The following PCYT2 variants were observed in gnomAD, a reference collection of about 807,000 sequenced individuals.
PCYT2 encodes the protein phosphate cytidylyltransferase 2, ethanolamine.
Under a neutral mutation model 50.0 loss-of-function variants are expected in PCYT2, and 33 were observed. The ratio of observed to expected loss-of-function variants is 0.66; its 90% CI spans 0.50 to 0.88. The LOEUF (loss-of-function observed/expected upper bound fraction) is 0.88, where lower values mean the gene tolerates loss of function less well. PCYT2 is among the 40% of genes least tolerant of loss of function. PCYT2 has a pLI of 0.00. For missense variants in PCYT2, 430 were observed against 519.7 expected (o/e 0.83, Z 1.68); for synonymous variants, 240 against 203.7 (o/e 1.18, Z -1.52).
rs530029152 is a variant in PCYT2 at position 81,908,646 on chromosome 17, C to A, written c.341-12G>T. 1 of 1,608,696 alleles carries A rather than the reference C, an allele frequency of 6.2e-7. No homozygotes were observed. The highest frequency in any genetic ancestry group is 1.1e-5 in the South Asian group (1 of 90,962). On this transcript the variant is annotated splice_polypyrimidine_tract_variant and intron_variant, in intron 3 of 12. Transcript: ENST00000538936. ...CAGGGTGATGTCATCTAAGCAGTGA[C>A]ACACAAGGACAAGGATCCTTAACCC...
Position 81,909,348 on chromosome 17 carries a change from A to G in PCYT2, c.178+166T>C, listed in dbSNP as rs1351909763. 2.4e-5 allele frequency: 34 copies of G among 1,429,160 alleles called. No homozygotes were observed. The South Asian group carries it at 4.7e-4, about 20-fold the overall frequency. The allele number at this position is 1,429,160 out of a possible 1,614,324, so 88.5% of individuals were successfully genotyped here. ...TGGGACAGGAAATGCAAGATGGGAAAGGCATTAGGCCATCCTCAGCTGGGG... is the reference window on the plus strand; with the variant it reads ...TGGGACAGGAAATGCAAGATGGGAAGGGCATTAGGCCATCCTCAGCTGGGG... On this transcript the variant is annotated intron_variant, in intron 2 of 12. Coordinates refer to ENST00000538936, the MANE Select transcript of PCYT2 (RefSeq NM_002861.5).
chr17:81,911,050 C>T, intron 1 of PCYT2: 2 of 999,044 alleles, frequency 2.0e-6, no homozygotes, highest in Non-Finnish European at 2.4e-6. Flanking sequence ...CGGGCGGGGC[C>T]TCCGCCAGAG....
chr17:81,902,552 T>TG lies in PCYT2; in HGVS notation c.*2280dup, dbSNP rs1308187231. On this transcript the variant is annotated 3_prime_UTR_variant, in exon 13 of 13. Transcript: ENST00000538936. ...GTGAGTCCGGCGTGCCGGGGACTGA[T>TG]GGGGGGCGGCGGCAGGACGTGGGTG... is the stretch of plus-strand genomic sequence containing the variant. 1.3e-6 allele frequency: 2 copies of TG among 1,493,490 alleles called. No individual in the cohort carries two copies. The highest frequency in any genetic ancestry group is 1.5e-5 in the African/African-American group (1 of 68,594). 92.5% of individuals were successfully genotyped at this position (1,493,490 alleles called of 1,614,324 possible). A position where few individuals can be genotyped will look rare whatever the true frequency, so the allele number is the denominator to read the frequency against.
intron 1 of PCYT2, chr17:81,910,864 G>A: frequency 1.0e-6 from 1 of 986,510 alleles, no homozygotes; most frequent in Non-Finnish European, 1.2e-6. Context: ...GGGCTTCACC[G>A]CGGGTCCCGG....
intron 3 of PCYT2, 81 bp downstream of exon 3, chr17:81,908,795 G>T: frequency 7.0e-7 from 1 of 1,437,612 alleles, no homozygotes. Context: ...GAGGCCCCCT[G>T]TTCCCGGATG....
Position 81,904,549 on chromosome 17 carries a change from T to C in PCYT2, c.*284A>G. On this transcript the variant is annotated 3_prime_UTR_variant, in exon 13 of 13. Transcript: ENST00000538936. ...GTGGTGGGGGCATCCGGGGACCAGG[T>C]GGGGGCGCACGCAGGAGCGGTGCGT... is the stretch of plus-strand genomic sequence containing the variant. The C allele has an allele frequency of 2.4e-6, 1 of 410,506 alleles. No individual in the cohort carries two copies. Among genetic ancestry groups the C allele is most frequent in the Non-Finnish European group, 4.4e-6 (1 of 226,472 alleles). The allele number at this position is 410,506 out of a possible 1,614,324, so 25.4% of individuals were successfully genotyped here. A position where few individuals can be genotyped will look rare whatever the true frequency, so the allele number is the denominator to read the frequency against.
chr17:81,904,955 A>G lies in PCYT2; in HGVS notation c.1059-11T>C, dbSNP rs1485457578. 3 of 1,610,586 alleles carry G rather than the reference A, an allele frequency of 1.9e-6. No individual in the cohort carries two copies. Among genetic ancestry groups the G allele is most frequent in the Non-Finnish European group, 2.5e-6 (3 of 1,178,126 alleles). The stretch of plus-strand genomic sequence containing the variant: ...GCCTCATACTCCAACCTGAGAGGGC[A>G]GGGTAAGTCTAGCAGAGAGCGCCCA... On this transcript the variant is annotated splice_polypyrimidine_tract_variant and intron_variant, in intron 12 of 12. Coordinates refer to ENST00000538936, the MANE Select transcript of PCYT2 (RefSeq NM_002861.5).
Position 81,911,334 on chromosome 17 carries a change from C to A in PCYT2, c.22G>T (p.Ala8Ser). The A allele has an allele frequency of 9.0e-7, 1 of 1,109,586 alleles. No homozygotes were observed. Among genetic ancestry groups the A allele is most frequent in the Non-Finnish European group, 1.1e-6 (1 of 899,880 alleles). 68.7% of individuals were successfully genotyped at this position (1,109,586 alleles called of 1,614,324 possible). A position where few individuals can be genotyped will look rare whatever the true frequency, so the allele number is the denominator to read the frequency against. The change falls in exon 1 of 13, where the codon GCT (alanine) becomes TCT (serine). Residue 8 changes from alanine to serine, a missense_variant. Coordinates refer to ENST00000538936, the MANE Select transcript of PCYT2 (RefSeq NM_002861.5). ...CCCGGCTGCTCTGCGCCGCCTGCAG[C>A]CCCGCGCCCGTTCCGGATCATGGCC... The part of the protein sequence containing the change: MIRNGRG[A>S]AGGAEQPGPG...
chr17:81,908,707 C>T lies in PCYT2; in HGVS notation c.341-73G>A, dbSNP rs527489780. ...GAACCTTCAGAGCCCAGGACCCTCT[C>T]GGCCCCTGGCCTGCCCTAGTGTCCG... On this transcript the variant is annotated intron_variant, in intron 3 of 12. Transcript: ENST00000538936. The T allele has an allele frequency of 5.5e-5, 78 of 1,412,796 alleles. No individual in the cohort carries two copies. The African/African-American group carries it at 8.2e-4, about 15-fold the overall frequency. The allele number at this position is 1,412,796 out of a possible 1,614,324, so 87.5% of individuals were successfully genotyped here.
intron 4 of PCYT2, 82 bp from the exon 5 acceptor site, chr17:81,907,939 G>C (rs1295099359): frequency 8.4e-7 from 1 of 1,186,490 alleles, no homozygotes; most frequent in African/African-American, 1.5e-5. Context: ...AGGGACACTA[G>C]CAGCCCTGCT....
At position 81,905,171 on chromosome 17, in the gene PCYT2, G is replaced by A. The variant is rs760582490; in HGVS notation, c.970-17C>T. On this transcript the variant is annotated splice_polypyrimidine_tract_variant and intron_variant, in intron 11 of 12. Coordinates refer to ENST00000538936, the MANE Select transcript of PCYT2 (RefSeq NM_002861.5). ...CTTGGGCTCCTGGGGGTCCAGAGAG[G>A]AGGAGCGGGATGAAGGTCCCTGCTG... 1.9e-6 allele frequency: 3 copies of A among 1,602,254 alleles called. No individual in the cohort carries two copies. The highest frequency in any genetic ancestry group is 4.5e-5 in the East Asian group (2 of 44,670).
At chr17:81,909,459 C>A (rs1198595878) in intron 2 of PCYT2, 55 bp downstream of exon 2, 1 of 1,547,336 alleles carries the variant, frequency 6.5e-7, no homozygotes, top group South Asian at 1.1e-5. Context: ...AGTCAACAGT[C>A]GCAACCCACA....
chr17:81,907,716 C>T (rs2040353233), intron 5 of PCYT2, 57 bp downstream of exon 5: 6 of 1,595,962 alleles, frequency 3.8e-6, no homozygotes, highest in Non-Finnish European at 5.1e-6. Context: ...GGAGGTGCCC[C>T]TCCTTTCCCC....
chr17:81,909,353 T>G (rs2040451978), intron 2 of PCYT2, 161 bp downstream of exon 2: 35 of 1,442,462 alleles, frequency 2.4e-5, no homozygotes, highest in Non-Finnish European at 3.1e-5. Context: ...GGGAAAGGCA[T>G]TAGGCCATCC....
chr17:81,911,007 G>C (rs1181760187), intron 1 of PCYT2: 17 of 995,410 alleles, frequency 1.7e-5, no homozygotes, highest in Non-Finnish European at 1.9e-5. Context: ...CCAGATCTCA[G>C]CGCGGTGGCT....
rs886162293 is a variant in PCYT2, at chr17:81,901,438, A to G, written c.*3395T>C. 6.6e-6 allele frequency: 1 copy of G among 152,310 alleles called. No individual in the cohort carries two copies. The highest frequency in any genetic ancestry group is 1.5e-5 in the Non-Finnish European group (1 of 68,092). 9.4% of individuals were successfully genotyped at this position (152,310 alleles called of 1,614,324 possible). ...CATCCTTCAATCCAGTCAAGCTGAC[A>G]CTCAGCATTCACCATCACACCTGGG... On this transcript the variant is annotated 3_prime_UTR_variant, in exon 13 of 13. Coordinates refer to ENST00000538936, the MANE Select transcript of PCYT2 (RefSeq NM_002861.5).
chr17:81,906,600 G>A, intron 7 of PCYT2, 54 bp from the exon 8 acceptor site: 1 of 1,581,680 alleles, frequency 6.3e-7, no homozygotes. Context: ...GCAGCTCCCT[G>A]ACAGCTCATG....
At chr17:81,910,882 G>A in intron 1 of PCYT2, 1 of 987,466 alleles carries the variant, frequency 1.0e-6, no homozygotes, top group South Asian at 4.7e-5. Context: ...CGGACAGGCA[G>A]GTCGCACCCG....
rs2040071825 is a variant in PCYT2 at position 81,903,581 on chromosome 17, C to G, written c.*1252G>C. 6.6e-6 allele frequency: 1 copy of G among 152,358 alleles called. No individual in the cohort carries two copies. The highest frequency in any genetic ancestry group is 2.4e-5 in the African/African-American group (1 of 41,464). 9.4% of individuals were successfully genotyped at this position (152,358 alleles called of 1,614,324 possible). A position where few individuals can be genotyped will look rare whatever the true frequency, so the allele number is the denominator to read the frequency against. On this transcript the variant is annotated 3_prime_UTR_variant, in exon 13 of 13. Coordinates refer to ENST00000538936, the MANE Select transcript of PCYT2 (RefSeq NM_002861.5). ...CGCAGTCCAGGGTTCTGAGTGGGAG[C>G]ATTGGCACCACCCCACTCCTGAAAG...
Sources: gnomAD v4.1 joint callset for allele counts on GRCh38, gnomAD v4.1.1 for gene constraint, MANE v1.5 for transcripts, NCBI Gene and HGNC (gene_info 2026-07-23, HGNC 2026-07-21) for gene names.